The following ZNF688 variants were observed in gnomAD, a reference collection of about 807,000 sequenced individuals.
ZNF688 encodes the protein zinc finger protein 688.
In ZNF688, 10 loss-of-function variants were observed where a neutral mutation model predicts 13.2. The ratio of observed to expected loss-of-function variants is 0.76; its 90% CI spans 0.47 to 1.28. ZNF688 has a LOEUF of 1.28. Ranked by LOEUF, ZNF688 falls within the 50% of genes most tolerant of loss-of-function variation. The probability of loss-of-function intolerance (pLI) is 0.00; values close to 1 mark genes in which losing one functional copy is unlikely to be tolerated. For synonymous variants in ZNF688, 160 were observed against 159.4 expected, an observed-to-expected ratio of 1.00 and a Z score of -0.03; for missense variants, 381 against 391.4, an observed-to-expected ratio of 0.97 and a Z score of 0.22.
upstream of ZNF688, chr16:30,571,898 A>G (rs1178124565): frequency 7.0e-6 from 9 of 1,278,704 alleles, 1 homozygote; most frequent in South Asian, 2.7e-4. Context: ...CCTTCTGAAA[A>G]TATGGCGACC....
At chr16:30,570,886 A>T in intron 2 of ZNF688, 124 bp downstream of exon 2, 1 of 1,064,344 alleles carries the variant, frequency 9.4e-7, no homozygotes, top group Non-Finnish European at 1.4e-6. Flanking sequence ...TGCCTTCTTT[A>T]CTCCTCTAGT....
rs1306821105 is a variant in ZNF688 at position 30,571,477 on chromosome 16, G to A, written c.153C>T (p.Tyr51=). The change falls in exon 1 of 3, where the codon TAC becomes TAT. Residue 51 remains tyrosine, a synonymous_variant. Transcript: ENST00000223459. ...CGTAGGTCTCCTGCATCACGTCCCG[G>A]TACAGAGCCCTCTGCGCGGGCCGCA... ...GCLRPAQRAL[Y]RDVMQETYGH... 1 of 1,589,614 alleles carries A rather than the reference G, an allele frequency of 6.3e-7. No homozygotes were observed. Among genetic ancestry groups the A allele is most frequent in the Non-Finnish European group, 8.6e-7 (1 of 1,169,166 alleles).
At chr16:30,575,458 G>T (rs2051736868), upstream of ZNF688, among the ~76,000 whole-genome samples, 1 of 151,996 alleles carries the variant, frequency 6.6e-6, no homozygotes. Context: ...TGTTGGCTAG[G>T]CTATTGTGAA....
chr16:30,569,971 C>A lies in ZNF688; in HGVS notation c.776G>T (p.Arg259Leu). The change falls in exon 3 of 3, where the codon CGG becomes CTG. Residue 259 changes from arginine to leucine, a missense_variant. Transcript: ENST00000223459. ...AVPRAPVRGD[R>L]DPPVLFRHYP... Reference sequence around the variant, plus strand: ...GTGCCGGAAGAGCACAGGCGGGTCCCGGTCACCTCGGACGGGGGCCCGAGG... The same window carrying A: ...GTGCCGGAAGAGCACAGGCGGGTCCAGGTCACCTCGGACGGGGGCCCGAGG... The A allele has an allele frequency of 6.3e-7, 1 of 1,596,282 alleles. No homozygotes were observed.
In ZNF688 at chr16:30,571,036, C is replaced by G. The variant is rs755899512; in HGVS notation, c.284G>C (p.Gly95Ala). ...TCTCCGAGCTCCTCCCAGTCTTTCC[C>G]CCTTCTCAGGATCCTGGGCGGCGGG... ...WSPAAQDPEK[G>A]ERLGGARRGD... Residue 95 changes from glycine (G) to alanine (A), a missense_variant, in exon 2 of 3, where the codon GGG becomes GCG. Coordinates refer to ENST00000223459, the MANE Select transcript of ZNF688 (RefSeq NM_145271.4). The G allele has an allele frequency of 1.2e-6, 2 of 1,613,258 alleles. No individual in the cohort carries two copies. The highest frequency in any genetic ancestry group is 1.1e-5 in the South Asian group (1 of 91,042).
chr16:30,570,821 G>C (rs2051664753), intron 2 of ZNF688, 189 bp downstream of exon 2: 1 of 633,258 alleles, frequency 1.6e-6, no homozygotes, highest in Non-Finnish European at 2.8e-6. Context: ...GTTGGACTGG[G>C]CTCCCAGTCC....
chr16:30,576,994 G>A (rs894458520), upstream of ZNF688, among the ~76,000 whole-genome samples: 1 of 151,896 alleles, frequency 6.6e-6, no homozygotes, highest in African/African-American at 2.4e-5. Context: ...TGGAACTCCT[G>A]GGCTCAAGTG....
At chr16:30,578,902 A>C in the ZNF688 span, 1 of 148,970 alleles carries the variant, frequency 6.7e-6, no homozygotes, top group Non-Finnish European at 1.5e-5. Context: ...CTATAGCCTC[A>C]AACTCCTGGG....
Position 30,570,211 on chromosome 16 carries a change from C to A in ZNF688, c.536G>T (p.Gly179Val). Residue 179 changes from glycine to valine, a missense_variant, in exon 3 of 3, where the codon GGC becomes GTC. Gly to Val is a moderately radical substitution (Grantham distance 109). Coordinates refer to ENST00000223459, the MANE Select transcript of ZNF688 (RefSeq NM_145271.4). ...APIPSMDAQA[G>V]QRRHVCTDCG... is the part of the protein sequence containing the mutation. Reference sequence around the variant, plus strand: ...GTCCGTGCACACGTGGCGCCGCTGGCCGGCCTGAGCATCCATGCTGGGTAT... The same window carrying A: ...GTCCGTGCACACGTGGCGCCGCTGGACGGCCTGAGCATCCATGCTGGGTAT... The A allele has an allele frequency of 6.2e-7, 1 of 1,612,412 alleles. No homozygotes were observed. Among genetic ancestry groups the A allele is most frequent in the Non-Finnish European group, 8.5e-7 (1 of 1,179,482 alleles).
the ZNF688 span, chr16:30,579,305 A>C: frequency 6.5e-6 from 1 of 154,392 alleles, no homozygotes; most frequent in African/African-American, 2.4e-5. Context: ...GCCAGTGGGG[A>C]CTGAGCCAAG....
At chr16:30,571,768 T>A (rs1341798227), upstream of ZNF688, 51 of 1,330,696 alleles carry the variant, frequency 3.8e-5, no homozygotes, top group Non-Finnish European at 4.6e-5. Context: ...GCAACCGAAG[T>A]AGCAGGGACT....
intron 2 of ZNF688, chr16:30,570,657 G>T: frequency 1.8e-6 from 1 of 541,592 alleles, no homozygotes; most frequent in South Asian, 3.1e-5. Context: ...TGACTTCACA[G>T]CGTTACTGGT....
At chr16:30,571,720 GCGGCCCCGCC>G (rs2051689522), upstream of ZNF688, 1 of 1,345,644 alleles carries the variant, frequency 7.4e-7, no homozygotes, top group African/African-American at 1.5e-5. Flanking sequence ...CACAGGAAGG[GCGGCCCCGCC>G]CAGCCGTGGC....
At chr16:30,576,277 T>A (rs369874437), upstream of ZNF688, among the ~76,000 whole-genome samples, 1 of 152,196 alleles carries the variant, frequency 6.6e-6, no homozygotes, top group East Asian at 1.9e-4. Context: ...AGTGGCGCGA[T>A]CTTGGCTCAC....
chr16:30,573,663 G>A (rs1325424721), upstream of ZNF688: 1 of 165,832 alleles, frequency 6.0e-6, no homozygotes, highest in African/African-American at 2.4e-5. Flanking sequence ...TTATTCAATA[G>A]TGTTTTTTAT....
In ZNF688 at chr16:30,570,252, T is replaced by G; in HGVS notation, c.495A>C (p.Ala165=). The change falls in exon 3 of 3, where the codon GCA becomes GCC. Residue 165 remains alanine (A), a synonymous_variant. Transcript: ENST00000223459. The stretch of plus-strand genomic sequence containing the variant: ...TGCTGGGTATGGGTGCCGGGGGCTG[T>G]GCTCCTGTGGTCGGGTCCCAGGCAG... The part of the protein sequence containing the change: ...KNAAWDPTTG[A]QPPAPIPSMD... 1 of 1,613,708 alleles carries G rather than the reference T, an allele frequency of 6.2e-7. No individual in the cohort carries two copies. The highest frequency in any genetic ancestry group is 8.5e-7 in the Non-Finnish European group (1 of 1,179,876).
intron 2 of ZNF688, 106 bp downstream of exon 2, chr16:30,570,904 A>G: frequency 8.3e-7 from 1 of 1,206,174 alleles, no homozygotes; most frequent in South Asian, 1.3e-5. Context: ...AGTACCCAAC[A>G]CAGTTGAATT....
upstream of ZNF688, among the ~76,000 whole-genome samples, chr16:30,577,685 GT>G (rs755631953): frequency 2.3e-3 from 294 of 129,778 alleles, no homozygotes; most frequent in African/African-American, 3.4e-3. Flanking sequence ...CCGGCCTGTG[GT>G]TTTTTTTTTT....
At position 30,571,597 on chromosome 16, in the gene ZNF688, C is replaced by T. The variant is rs766371274; in HGVS notation, c.33G>A (p.Pro11=). 5.9e-6 allele frequency: 9 copies of T among 1,529,220 alleles called. No homozygotes were observed. The East Asian group carries it at 2.0e-4, about 35-fold the overall frequency. The allele number at this position is 1,529,220 out of a possible 1,614,324, so 94.7% of individuals were successfully genotyped here. The change falls in exon 1 of 3, where the codon CCG becomes CCA. Residue 11 remains proline, a synonymous_variant. Transcript: ENST00000223459. The stretch of plus-strand genomic sequence containing the variant: ...AACCAGGCCGGGTCTCCCCGGGCCT[C>T]GGCGCCAGGAGCGGGGCTGGGGGCG... MAPPPAPLLA[P]RPGETRPGCR...
Sources: allele counts gnomAD v4.1 joint callset (sites outside exome capture counted in the v4.1 genomes callset), GRCh38; gene constraint gnomAD v4.1.1; transcripts MANE v1.5; gene names NCBI Gene and HGNC (gene_info 2026-07-23, HGNC 2026-07-21).